ZMAT4: variants seen among roughly 807,000 people sequenced by gnomAD.
ZMAT4 encodes the protein zinc finger matrin-type protein 4.
ZMAT4 carries 17 observed loss-of-function variants against 28.7 expected under a neutral mutation model. The ratio of observed to expected loss-of-function variants is 0.59; its 90% CI spans 0.41 to 0.89. The LOEUF (loss-of-function observed/expected upper bound fraction) is 0.89. Ranked by LOEUF, ZMAT4 falls within the 40% of genes least tolerant of loss-of-function variation. The probability of loss-of-function intolerance (pLI) is 0.00; values close to 1 mark genes in which losing one functional copy is unlikely to be tolerated. For synonymous variants in ZMAT4, 117 were observed against 109.2 expected (o/e 1.07, Z -0.44); for missense variants, 240 against 283.8 (o/e 0.85, Z 1.11).
At chr8:40,715,147 G>A (rs576490632) in intron 3 of ZMAT4, among the ~76,000 whole-genome samples, 1 of 152,172 alleles carries the variant, frequency 6.6e-6, no homozygotes, top group East Asian at 1.9e-4. Context: ...GTGAGGAACT[G>A]GGGAACAGCA....
intron 5 of ZMAT4, among the ~76,000 whole-genome samples, chr8:40,631,605 A>C (rs1216927820): frequency 6.6e-6 from 1 of 152,192 alleles, no homozygotes; most frequent in Non-Finnish European, 1.5e-5. Context: ...TCCATGTTTT[A>C]ATAGAGGGAT....
intron 1 of ZMAT4, among the ~76,000 whole-genome samples, chr8:40,840,267 G>C (rs963030288): frequency 6.6e-6 from 1 of 152,172 alleles, no homozygotes; most frequent in African/African-American, 2.4e-5. Context: ...ACTGACAGCT[G>C]CAAAGGTGAA....
At chr8:40,818,445 G>C (rs976452051) in intron 2 of ZMAT4, among the ~76,000 whole-genome samples, 1 of 152,178 alleles carries the variant, frequency 6.6e-6, no homozygotes, top group African/African-American at 2.4e-5. Context: ...TATTATCTGT[G>C]TAGTAAGTCC....
intron 6 of ZMAT4, among the ~76,000 whole-genome samples, chr8:40,543,147 C>G (rs573716528): frequency 7.2e-4 from 109 of 152,196 alleles, no homozygotes; most frequent in Non-Finnish European, 1.3e-3. Context: ...CACCCAGCTA[C>G]AAACACAGCC....
chr8:40,649,055 A>C (rs1238122792), intron 5 of ZMAT4, among the ~76,000 whole-genome samples: 1 of 150,258 alleles, frequency 6.7e-6, no homozygotes, highest in African/African-American at 2.4e-5. Flanking sequence ...TAATGACAGG[A>C]TCAAATTCAT....
chr8:40,621,141 T>TA (rs1186777370), intron 5 of ZMAT4, among the ~76,000 whole-genome samples: 4 of 152,132 alleles, frequency 2.6e-5, no homozygotes, highest in Non-Finnish European at 5.9e-5. Context: ...ACACTGTAGT[T>TA]AAAATCTCAG....
intron 3 of ZMAT4, among the ~76,000 whole-genome samples, chr8:40,724,547 C>T (rs1003084625): frequency 3.3e-5 from 5 of 152,304 alleles, no homozygotes; most frequent in African/African-American, 1.2e-4. Context: ...ATATGCCAGG[C>T]ATTGAGGAGA....
At chr8:40,552,366 C>T (rs1803392681) in intron 6 of ZMAT4, among the ~76,000 whole-genome samples, 1 of 152,180 alleles carries the variant, frequency 6.6e-6, no homozygotes, top group Admixed American at 6.5e-5. Flanking sequence ...TAAAGCTATG[C>T]TCTGAGCACC....
At chr8:40,537,961 C>G (rs889486983) in intron 6 of ZMAT4, among the ~76,000 whole-genome samples, 5 of 152,166 alleles carry the variant, frequency 3.3e-5, no homozygotes, top group Non-Finnish European at 4.4e-5. Flanking sequence ...ATCATCAGGA[C>G]CCTGTAACCA....
intron 1 of ZMAT4, among the ~76,000 whole-genome samples, chr8:40,885,950 C>A (rs139591329): frequency 5.6e-4 from 86 of 152,344 alleles, no homozygotes; most frequent in Middle Eastern, 3.4e-3. Flanking sequence ...CCATCTCCCC[C>A]ACTTGAATCT....
intron 1 of ZMAT4, among the ~76,000 whole-genome samples, chr8:40,856,015 A>T (rs939745615): frequency 6.6e-6 from 1 of 151,990 alleles, no homozygotes; most frequent in African/African-American, 2.4e-5. Flanking sequence ...TTAAAGTGGG[A>T]TCCAATTTAG....
intron 6 of ZMAT4, among the ~76,000 whole-genome samples, chr8:40,555,117 T>C (rs1803490961): frequency 6.6e-6 from 1 of 152,154 alleles, no homozygotes; most frequent in Non-Finnish European, 1.5e-5. Flanking sequence ...ACATAATGAG[T>C]TCCATCAATG....
At chr8:40,652,863 C>CATACCTG (rs1467068394) in intron 5 of ZMAT4, among the ~76,000 whole-genome samples, 1 of 142,414 alleles carries the variant, frequency 7.0e-6, no homozygotes, top group Non-Finnish European at 1.5e-5. Flanking sequence ...TATTCTCACT[C>CATACCTG]ATAGGTGGGA....
At chr8:40,764,646 C>G (rs968852970) in intron 3 of ZMAT4, among the ~76,000 whole-genome samples, 1 of 152,042 alleles carries the variant, frequency 6.6e-6, no homozygotes, top group African/African-American at 2.4e-5. Flanking sequence ...CCTGGGAGCA[C>G]AGAATCTGAG....
At chr8:40,533,666 A>G (rs1287155677) in intron 6 of ZMAT4, among the ~76,000 whole-genome samples, 1 of 152,246 alleles carries the variant, frequency 6.6e-6, no homozygotes, top group Non-Finnish European at 1.5e-5. Context: ...GAATTTGAAC[A>G]TTGTTGGTAT....
intron 5 of ZMAT4, among the ~76,000 whole-genome samples, chr8:40,643,176 G>C (rs1175030587): frequency 6.6e-6 from 1 of 152,104 alleles, no homozygotes; most frequent in Non-Finnish European, 1.5e-5. Context: ...CCACACACTA[G>C]ATAAGAACTG....
intron 1 of ZMAT4, among the ~76,000 whole-genome samples, chr8:40,893,514 T>C (rs1340382932): frequency 6.6e-6 from 1 of 152,180 alleles, no homozygotes; most frequent in African/African-American, 2.4e-5. Context: ...CACTGCAGCA[T>C]GTTTTCAGCA....
chr8:40,533,501 C>T (rs532235081), intron 6 of ZMAT4, among the ~76,000 whole-genome samples: 125 of 152,252 alleles, frequency 8.2e-4, no homozygotes, highest in African/African-American at 2.9e-3. Context: ...CATCTTCCTT[C>T]GCTAAGGTCC....
At chr8:40,630,309 C>T (rs77148850) in intron 5 of ZMAT4, among the ~76,000 whole-genome samples, 3 of 152,176 alleles carry the variant, frequency 2.0e-5, no homozygotes, top group Admixed American at 1.3e-4. Flanking sequence ...CAATAACTCA[C>T]CTTCATTGGA....
Sources: gnomAD v4.1 joint callset for allele counts (sites outside exome capture counted in the v4.1 genomes callset) on GRCh38, gnomAD v4.1.1 for gene constraint, MANE v1.5 for transcripts, NCBI Gene and HGNC (gene_info 2026-07-23, HGNC 2026-07-21) for gene names.